The following DGKG variants were observed in gnomAD, a reference collection of about 807,000 sequenced individuals.
The protein encoded by DGKG is DAG kinase gamma.
In DGKG, 78 loss-of-function variants were observed where a neutral mutation model predicts 105.3. The ratio of observed to expected loss-of-function variants is 0.74; its 90% CI spans 0.62 to 0.89. The LOEUF is 0.89. Ranked by LOEUF, DGKG falls within the 40% of genes least tolerant of loss-of-function variation. The probability of loss-of-function intolerance (pLI) is 0.00; values close to 1 mark genes in which losing one functional copy is unlikely to be tolerated. For synonymous variants in DGKG, 346 were observed against 367.1 expected (o/e 0.94, Z 0.66); for missense variants, 958 against 1,020.1 (o/e 0.94, Z 0.83).
chr3:186,147,725 C>A lies in DGKG; in HGVS notation c.*2365G>T. 2.0e-6 allele frequency: 2 copies of A among 985,388 alleles called. No homozygotes were observed. Among genetic ancestry groups the A allele is most frequent in the African/African-American group, 3.5e-5 (2 of 57,338 alleles). The allele number at this position is 985,388 out of a possible 1,614,324, so 61.0% of individuals were successfully genotyped here. ...TTCACCTGTTGATAGTGCCATGTCTCAATAGCCTCAATCTTGGGGATCATG... is the reference window on the plus strand; with the variant it reads ...TTCACCTGTTGATAGTGCCATGTCTAAATAGCCTCAATCTTGGGGATCATG... On this transcript the variant is annotated 3_prime_UTR_variant, in exon 25 of 25. Coordinates refer to ENST00000265022, the MANE Select transcript of DGKG (RefSeq NM_001346.3).
rs1560096022 is a variant in DGKG, at chr3:186,209,088, C to CTTTTTTT, written c.1917+2706_1917+2707insAAAAAAA. Among the ~76,000 whole-genome samples, 130 of 124,880 alleles carry CTTTTTTT rather than the reference C, an allele frequency of 1.0e-3. 1 individual carries two copies. The highest frequency in any genetic ancestry group is 4.0e-3 in the African/African-American group (120 of 29,924). The allele number at this position is 124,880 out of a possible 152,430, so 81.9% of individuals were successfully genotyped here. On this transcript the variant is annotated intron_variant, in intron 21 of 24. Transcript: ENST00000265022. ...TGGACTTTTCTCTCCCTTCAGTTTA[C>CTTTTTTT]TCTTCTTTTTTTTTTTTTTTTTTTT...
intron 20 of DGKG, among the ~76,000 whole-genome samples, chr3:186,239,849 C>CA (rs554333586): frequency 1.7e-3 from 261 of 151,380 alleles, no homozygotes; most frequent in African/African-American, 6.0e-3. Flanking sequence ...AACAGTTCTA[C>CA]AGATCACAGT....
At chr3:186,234,703 G>C (rs886978764) in intron 20 of DGKG, among the ~76,000 whole-genome samples, 12 of 152,194 alleles carry the variant, frequency 7.9e-5, no homozygotes, top group African/African-American at 2.9e-4. Flanking sequence ...ACCTTGTAGG[G>C]AGGCTTGAGA....
intron 1 of DGKG, among the ~76,000 whole-genome samples, chr3:186,352,531 C>T (rs1204625623): frequency 6.6e-6 from 1 of 152,202 alleles, no homozygotes. Context: ...TCACTGAAAC[C>T]TCAAAGTTAA....
chr3:186,235,597 T>C (rs1720376612), intron 20 of DGKG, among the ~76,000 whole-genome samples: 1 of 152,230 alleles, frequency 6.6e-6, no homozygotes, highest in African/African-American at 2.4e-5. Context: ...TTTTTAGATA[T>C]AAGAAGAAAA....
At chr3:186,352,594 A>G (rs962392661) in intron 1 of DGKG, among the ~76,000 whole-genome samples, 11 of 152,092 alleles carry the variant, frequency 7.2e-5, no homozygotes, top group South Asian at 2.1e-4. Flanking sequence ...CTGTTCCTCA[A>G]TTCTCTTGGT....
intron 22 of DGKG, among the ~76,000 whole-genome samples, chr3:186,170,690 C>G (rs1159866058): frequency 2.0e-5 from 3 of 152,168 alleles, no homozygotes; most frequent in Non-Finnish European, 4.4e-5. Flanking sequence ...GTGGCTGGCA[C>G]AGAGTGGGCA....
intron 17 of DGKG, among the ~76,000 whole-genome samples, chr3:186,255,001 G>T (rs964106646): frequency 2.6e-5 from 4 of 152,216 alleles, no homozygotes; most frequent in Non-Finnish European, 5.9e-5. Context: ...AAAGCACAAA[G>T]CTCTCTGTGG....
chr3:186,302,492 A>G lies in DGKG; in HGVS notation c.145-4263T>C, dbSNP rs398040423. On this transcript the variant is annotated intron_variant, in intron 3 of 24. Transcript: ENST00000265022. The stretch of plus-strand genomic sequence containing the variant: ...TATATATATATATATATATATATAT[A>G]TATATATATATATACATATGTGTAT... 4.3e-3 allele frequency among the ~76,000 whole-genome samples: 42 copies of G among 9,700 alleles called. 2 individuals are homozygous for G. The highest frequency in any genetic ancestry group is 0.014 in the South Asian group (7 of 486). 6.4% of individuals were successfully genotyped at this position (9,700 alleles called of 152,430 possible). A position where few individuals can be genotyped will look rare whatever the true frequency, so the allele number is the denominator to read the frequency against.
intron 21 of DGKG, among the ~76,000 whole-genome samples, chr3:186,200,828 C>T (rs1224104004): frequency 6.6e-6 from 1 of 152,240 alleles, no homozygotes; most frequent in Non-Finnish European, 1.5e-5. Context: ...CATGTACACA[C>T]AACCTGCTTA....
chr3:186,266,860 G>A (rs1339386636), intron 13 of DGKG, among the ~76,000 whole-genome samples: 1 of 152,190 alleles, frequency 6.6e-6, no homozygotes, highest in Admixed American at 6.5e-5. Flanking sequence ...GCCTCCCAAA[G>A]TGCCGGGATT....
chr3:186,289,138 C>T (rs1723202035), intron 5 of DGKG, among the ~76,000 whole-genome samples: 1 of 152,084 alleles, frequency 6.6e-6, no homozygotes, highest in Non-Finnish European at 1.5e-5. Context: ...TCTGAATATT[C>T]AGAAAAGATG....
intron 1 of DGKG, among the ~76,000 whole-genome samples, chr3:186,357,307 C>T (rs1450964076): frequency 6.6e-6 from 1 of 152,122 alleles, no homozygotes; most frequent in African/African-American, 2.4e-5. Flanking sequence ...TCTTGGAAAG[C>T]TTTCAAAAGT....
In DGKG at chr3:186,297,068, T is replaced by TCACACACACACACACACACA. The variant is rs55826465; in HGVS notation, c.373+333_373+352dup. Reference sequence around the variant, plus strand: ...CTCTCTGTCTGTCTGTCTGTCTCTCTCACACACACACACACACACACACAC... The same window carrying TCACACACACACACACACACA: ...CTCTCTGTCTGTCTGTCTGTCTCTCTCACACACACACACACACACACACACACACACACACACACACACAC... On this transcript the variant is annotated intron_variant, in intron 5 of 24. Coordinates refer to ENST00000265022, the MANE Select transcript of DGKG (RefSeq NM_001346.3). Among the ~76,000 whole-genome samples the TCACACACACACACACACACA allele has an allele frequency of 7.2e-3, 939 of 130,436 alleles. 15 individuals carry two copies. Among genetic ancestry groups the TCACACACACACACACACACA allele is most frequent in the Middle Eastern group, 0.011 (3 of 266 alleles). 85.6% of individuals were successfully genotyped at this position (130,436 alleles called of 152,430 possible).
chr3:186,160,376 G>C, intron 24 of DGKG: 2 of 985,270 alleles, frequency 2.0e-6, no homozygotes, highest in Non-Finnish European at 2.4e-6. Flanking sequence ...AACTTGGATA[G>C]ATTCTTCTCA....
intron 1 of DGKG, among the ~76,000 whole-genome samples, chr3:186,336,099 A>T (rs1725819847): frequency 6.6e-6 from 1 of 152,086 alleles, no homozygotes; most frequent in African/African-American, 2.4e-5. Flanking sequence ...GGCAGCCCAC[A>T]CCCAGTGACT....
chr3:186,210,576 C>T lies in DGKG; in HGVS notation c.1917+1219G>A, dbSNP rs143833219. 2.0e-5 allele frequency: 9 copies of T among 453,896 alleles called. No homozygotes were observed. The highest frequency in any genetic ancestry group is 7.1e-5 in the Admixed American group (3 of 42,552). 28.1% of individuals were successfully genotyped at this position (453,896 alleles called of 1,614,324 possible). ...GGCAGGCAGATGAGTCAAATGCAGC[C>T]GCACAGAACCTCTGGCTTCGTGTTT... On this transcript the variant is annotated intron_variant, in intron 21 of 24. Coordinates refer to ENST00000265022, the MANE Select transcript of DGKG (RefSeq NM_001346.3). The surrounding 1 kb of genome is among the most constrained non-coding windows in gnomAD (Gnocchi z 5.2).
chr3:186,194,802 T>TAA (rs1560089428), intron 21 of DGKG, among the ~76,000 whole-genome samples: 15 of 26,636 alleles, frequency 5.6e-4, no homozygotes, highest in Admixed American at 2.3e-3. Flanking sequence ...TGGTCTTTCT[T>TAA]TAAAAAAAAA....
intron 22 of DGKG, among the ~76,000 whole-genome samples, chr3:186,172,195 G>T (rs1266643674): frequency 1.3e-5 from 2 of 152,198 alleles, no homozygotes; most frequent in African/African-American, 4.8e-5. Context: ...CATTTAAGAG[G>T]CAGGGGAATC....
Sources: allele counts gnomAD v4.1 joint callset (sites outside exome capture counted in the v4.1 genomes callset), GRCh38; gene constraint gnomAD v4.1.1; non-coding constraint Gnocchi (gnomAD v3.1); transcripts MANE v1.5; gene names NCBI Gene and HGNC (gene_info 2026-07-23, HGNC 2026-07-21).